The following BTBD9 variants were observed in gnomAD, a reference collection of about 807,000 sequenced individuals.
BTBD9 encodes BTB domain containing 9.
In BTBD9, 49 loss-of-function variants were observed where a neutral mutation model predicts 64.3. The ratio of observed to expected loss-of-function variants is 0.76; its 90% CI spans 0.61 to 0.97. The LOEUF (loss-of-function observed/expected upper bound fraction) is 0.97. Among genes scored for constraint, BTBD9 ranks in the 50% least tolerant of loss-of-function variants. The pLI is 0.00. For missense variants in BTBD9, 598 were observed against 762.1 expected (o/e 0.78, Z 2.53); for synonymous variants, 260 against 274.7 (o/e 0.95, Z 0.53).
rs369077359 is a variant in BTBD9, at chr6:38,212,612, C to T, written c.1563-20015G>A. On this transcript the variant is annotated intron_variant, in intron 9 of 10. Transcript: ENST00000481247. The stretch of plus-strand genomic sequence containing the variant: ...AATGGCAGAGCCAGCCGCTTGGCCA[C>T]ACCCCTTGCCAGCAGGCATCTCTGG... Among the ~76,000 whole-genome samples, 44 of 152,312 alleles carry T rather than the reference C, an allele frequency of 2.9e-4. No individual in the cohort carries two copies. In the South Asian group the frequency reaches 9.1e-3, roughly 32 times the overall value.
In BTBD9 at chr6:38,594,043, A is replaced by T; in HGVS notation, c.470T>A (p.Leu157Ter). The change falls in exon 3 of 11, where the codon TTA becomes TAA. Residue 157 changes from leucine to a stop codon, truncating the protein, a stop_gained. Coordinates refer to ENST00000481247, the MANE Select transcript of BTBD9 (RefSeq NM_001099272.2). LOFTEE classifies it high-confidence loss of function. Reference sequence around the variant, plus strand: ...CATAAACATGCAGCACATACAAGTTAACTTGGGAAGTGAGTAGAGACTGGC... The same window carrying T: ...CATAAACATGCAGCACATACAAGTTTACTTGGGAAGTGAGTAGAGACTGGC... Reference protein sequence around the residue: ...DVASLYSLPKLTCMCCMFMDR... With the variant: ...DVASLYSLPK 3.7e-6 allele frequency: 6 copies of T among 1,614,208 alleles called. No homozygotes were observed. The highest frequency in any genetic ancestry group is 5.1e-6 in the Non-Finnish European group (6 of 1,180,018).
intron 6 of BTBD9, among the ~76,000 whole-genome samples, chr6:38,465,035 G>A (rs1228793255): frequency 1.3e-5 from 2 of 152,112 alleles, no homozygotes; most frequent in African/African-American, 2.4e-5. Context: ...ATGTGGGGCA[G>A]CTCATGCCTA....
rs1766641334 is a variant in BTBD9 at position 38,169,121 on chromosome 6, A to G, written c.*5864T>C. 1 of 152,506 alleles carries G rather than the reference A, an allele frequency of 6.6e-6. No homozygotes were observed. Among genetic ancestry groups the G allele is most frequent in the Admixed American group, 6.5e-5 (1 of 15,280 alleles). The allele number at this position is 152,506 out of a possible 1,614,324, so 9.4% of individuals were successfully genotyped here. On this transcript the variant is annotated 3_prime_UTR_variant, in exon 11 of 11. Coordinates refer to ENST00000481247, the MANE Select transcript of BTBD9 (RefSeq NM_001099272.2). ...GGCGGCCGGGCTGTGCTCCCTGAGG[A>G]CCTTACTGGCAGCACCCTGCCCTGC...
intron 9 of BTBD9, among the ~76,000 whole-genome samples, chr6:38,247,949 CAAGTA>C (rs1288487252): frequency 1.3e-5 from 2 of 151,352 alleles, no homozygotes; most frequent in Non-Finnish European, 1.5e-5. Context: ...TTTTTTTTTT[CAAGTA>C]AAGTGTTTTT....
At chr6:38,546,946 C>A (rs1774578077) in intron 6 of BTBD9, among the ~76,000 whole-genome samples, 1 of 152,178 alleles carries the variant, frequency 6.6e-6, no homozygotes, top group African/African-American at 2.4e-5. Context: ...GGATTACAGG[C>A]ATGAGCCACT....
chr6:38,357,616 C>A (rs1764779398), intron 6 of BTBD9, among the ~76,000 whole-genome samples: 1 of 152,212 alleles, frequency 6.6e-6, no homozygotes, highest in Admixed American at 6.5e-5. Context: ...AAAATTTGAG[C>A]AGAGGTCTTT....
chr6:38,458,915 TTTAA>T (rs1769943430), intron 6 of BTBD9, among the ~76,000 whole-genome samples: 1 of 152,264 alleles, frequency 6.6e-6, no homozygotes. Flanking sequence ...AGTTGAATAC[TTTAA>T]TTATATGACA....
intron 7 of BTBD9, among the ~76,000 whole-genome samples, chr6:38,327,655 T>A (rs540213872): frequency 6.6e-6 from 1 of 152,310 alleles, no homozygotes; most frequent in East Asian, 1.9e-4. Flanking sequence ...CGTGAAACCA[T>A]CAGCACAATC....
intron 6 of BTBD9, among the ~76,000 whole-genome samples, chr6:38,533,829 C>A (rs1773899554): frequency 6.6e-6 from 1 of 151,986 alleles, no homozygotes; most frequent in African/African-American, 2.4e-5. Flanking sequence ...TGAAAAATTT[C>A]TTCAAACAAA....
intron 6 of BTBD9, among the ~76,000 whole-genome samples, chr6:38,543,852 G>C (rs1774404098): frequency 6.6e-6 from 1 of 151,928 alleles, no homozygotes; most frequent in East Asian, 1.9e-4. Flanking sequence ...AGCTACTTGG[G>C]AGGCTGAGGC....
intron 7 of BTBD9, among the ~76,000 whole-genome samples, chr6:38,338,504 G>T (rs1369953690): frequency 6.6e-6 from 1 of 152,076 alleles, no homozygotes; most frequent in East Asian, 1.9e-4. Flanking sequence ...ACACTTTAAC[G>T]GCCTAAAGCT....
chr6:38,454,247 G>A (rs1769687104), intron 6 of BTBD9, among the ~76,000 whole-genome samples: 1 of 151,956 alleles, frequency 6.6e-6, no homozygotes, highest in African/African-American at 2.4e-5. Context: ...TGCATATAAG[G>A]ACAAACTCTT....
chr6:38,237,572 C>A (rs1763820395), intron 9 of BTBD9, among the ~76,000 whole-genome samples: 1 of 152,194 alleles, frequency 6.6e-6, no homozygotes, highest in African/African-American at 2.4e-5. Context: ...TCAACAGTTT[C>A]TGGTCTTGCT....
intron 7 of BTBD9, among the ~76,000 whole-genome samples, chr6:38,299,715 T>C (rs2127562649): frequency 6.6e-6 from 1 of 152,366 alleles, no homozygotes; most frequent in Non-Finnish European, 1.5e-5. Flanking sequence ...TTTGTTTTTT[T>C]CTTGTAAATT....
At chr6:38,187,468 C>T (rs139453669) in intron 10 of BTBD9, among the ~76,000 whole-genome samples, 9 of 152,224 alleles carry the variant, frequency 5.9e-5, no homozygotes, top group Non-Finnish European at 1.0e-4. Flanking sequence ...AAAGACACAC[C>T]GACATCTGTC....
At chr6:38,621,152 T>C (rs1223814511) in intron 1 of BTBD9, among the ~76,000 whole-genome samples, 2 of 152,128 alleles carry the variant, frequency 1.3e-5, no homozygotes, top group Non-Finnish European at 2.9e-5. Flanking sequence ...ATCAAAATAG[T>C]ACAAGGAAAG....
chr6:38,311,460 T>G (rs1054611689), intron 7 of BTBD9, among the ~76,000 whole-genome samples: 5 of 152,238 alleles, frequency 3.3e-5, no homozygotes, highest in African/African-American at 1.2e-4. Context: ...TGTACCACAT[T>G]TTCTTTATCC....
At chr6:38,506,346 T>A (rs1334174778) in intron 6 of BTBD9, among the ~76,000 whole-genome samples, 1 of 152,166 alleles carries the variant, frequency 6.6e-6, no homozygotes, top group Non-Finnish European at 1.5e-5. Context: ...TTGGGCAAAA[T>A]CATCTAACAC....
At position 38,592,608 on chromosome 6, in the gene BTBD9, C is replaced by T. The variant is rs753245160; in HGVS notation, c.782G>A (p.Arg261Gln). 5 of 1,613,936 alleles carry T rather than the reference C, an allele frequency of 3.1e-6. No individual in the cohort carries two copies. The highest frequency in any genetic ancestry group is 1.3e-5 in the African/African-American group (1 of 74,872). Residue 261 changes from arginine to glutamine, a missense_variant, in exon 4 of 11, where the codon CGG becomes CAG. Coordinates refer to ENST00000481247, the MANE Select transcript of BTBD9 (RefSeq NM_001099272.2). The part of the protein sequence containing the change: ...LDAIKVRSES[R>Q]DMDLNYRGML... ...GCCTCTATAATTGAGGTCCATATCC[C>T]GGCTCTCAGATCGCACTTTAATGGC...
Sources: gnomAD v4.1 joint callset for allele counts (sites outside exome capture counted in the v4.1 genomes callset) on GRCh38, gnomAD v4.1.1 for gene constraint, MANE v1.5 for transcripts, NCBI Gene and HGNC (gene_info 2026-07-23, HGNC 2026-07-21) for gene names.